NYAP2: variants seen among roughly 807,000 people sequenced by gnomAD.
The protein encoded by NYAP2 is neuronal tyrosine-phosphorylated phosphoinositide-3-kinase adapter 2.
NYAP2 carries 23 observed loss-of-function variants against 50.4 expected under a neutral mutation model. The ratio of observed to expected loss-of-function variants is 0.46; its 90% CI spans 0.33 to 0.65. The LOEUF is 0.65. Ranked by LOEUF, NYAP2 falls within the 30% of genes least tolerant of loss-of-function variation. NYAP2 has a pLI of 0.02. For missense variants in NYAP2, 885 were observed against 861.0 expected, an observed-to-expected ratio of 1.03 and a Z score of -0.35; for synonymous variants, 394 against 365.2, an observed-to-expected ratio of 1.08 and a Z score of -0.90.
chr2:225,483,004 C>T (rs865911606), intron 3 of NYAP2, among the ~76,000 whole-genome samples: 32 of 152,178 alleles, frequency 2.1e-4, no homozygotes, highest in African/African-American at 5.1e-4. Context: ...TTTGTGTTTT[C>T]GTAAGAAATA....
intron 3 of NYAP2, among the ~76,000 whole-genome samples, chr2:225,427,385 C>A (rs1036132465): frequency 6.6e-6 from 1 of 152,224 alleles, no homozygotes; most frequent in Non-Finnish European, 1.5e-5. Flanking sequence ...ACAGTTTCCT[C>A]GTCTGTGACA....
chr2:225,443,894 G>A (rs1043287555), intron 3 of NYAP2, among the ~76,000 whole-genome samples: 5 of 152,118 alleles, frequency 3.3e-5, no homozygotes, highest in African/African-American at 9.7e-5. Context: ...CAATTGAGTC[G>A]ACATACTTTT....
At chr2:225,511,327 AACACACACACACACACACAC>A (rs571887973) in intron 3 of NYAP2, among the ~76,000 whole-genome samples, 1 of 129,838 alleles carries the variant, frequency 7.7e-6, no homozygotes, top group African/African-American at 3.0e-5. Flanking sequence ...CGTTCTTTAA[AACACACACACACACACACAC>A]ACACACACAC....
intron 4 of NYAP2, among the ~76,000 whole-genome samples, chr2:225,531,460 C>G (rs1333449690): frequency 6.6e-6 from 1 of 152,132 alleles, no homozygotes; most frequent in East Asian, 1.9e-4. Flanking sequence ...TTGTAAATAT[C>G]TGCCTATCTT....
intron 3 of NYAP2, among the ~76,000 whole-genome samples, chr2:225,456,102 C>G (rs890241933): frequency 6.6e-6 from 1 of 152,180 alleles, no homozygotes; most frequent in African/African-American, 2.4e-5. Flanking sequence ...CTGCAGTTCT[C>G]AGATGAAAGA....
chr2:225,573,198 A>C (rs945408567), intron 4 of NYAP2, among the ~76,000 whole-genome samples: 7 of 151,764 alleles, frequency 4.6e-5, no homozygotes, highest in Admixed American at 2.0e-4. Context: ...ATTGCTGTGT[A>C]ATAAACTAAA....
chr2:225,652,883 T>A (rs2106273431), exon 7 of NYAP2: 1 of 152,336 alleles, frequency 6.6e-6, no homozygotes. Context: ...AGTTGATTTA[T>A]AAATATATGA....
chr2:225,526,641 C>T (rs73084709), intron 4 of NYAP2, among the ~76,000 whole-genome samples: 5,183 of 152,240 alleles, frequency 0.034, 286 homozygotes, highest in African/African-American at 0.12. Flanking sequence ...TACATGGCTG[C>T]AACTTGCCTT....
At chr2:225,465,790 A>G (rs1230106636) in intron 3 of NYAP2, among the ~76,000 whole-genome samples, 1 of 152,148 alleles carries the variant, frequency 6.6e-6, no homozygotes, top group Admixed American at 6.5e-5. Flanking sequence ...CAGGTGTCCC[A>G]TGACTTATTT....
chr2:225,510,779 T>TTGTGTGTGTGTG (rs146231874), intron 3 of NYAP2, among the ~76,000 whole-genome samples: 1 of 148,390 alleles, frequency 6.7e-6, no homozygotes, highest in Admixed American at 6.7e-5. Flanking sequence ...GTTAATGTGT[T>TTGTGTGTGTGTG]TGTGTGTGTG....
chr2:225,622,116 C>T (rs776269441), intron 5 of NYAP2, among the ~76,000 whole-genome samples: 3 of 152,154 alleles, frequency 2.0e-5, no homozygotes, highest in Non-Finnish European at 2.9e-5. Flanking sequence ...ACTGCAGCCT[C>T]GACCTCCCAA....
At chr2:225,660,405 A>G in the NYAP2 span, among the ~76,000 whole-genome samples, 1 of 148,826 alleles carries the variant, frequency 6.7e-6, no homozygotes, top group Non-Finnish European at 1.5e-5. Context: ...ATTATCTGCT[A>G]GGGTCGGGAC....
In NYAP2 at chr2:225,502,467, A is replaced by G. The variant is rs76828321; in HGVS notation, c.222-10904A>G. On this transcript the variant is annotated intron_variant, in intron 3 of 6. Transcript: ENST00000636099. The stretch of plus-strand genomic sequence containing the variant: ...GAAACCTGTGAGTTATTCTTGAACT[A>G]TTCCCAAACATATATGTATACATTC... 5.8e-4 allele frequency among the ~76,000 whole-genome samples: 89 copies of G among 152,372 alleles called. 2 individuals are homozygous for G. In the East Asian group the frequency reaches 0.016, roughly 27 times the overall value.
At chr2:225,477,393 C>T (rs960123900) in intron 3 of NYAP2, among the ~76,000 whole-genome samples, 9 of 151,848 alleles carry the variant, frequency 5.9e-5, no homozygotes, top group Non-Finnish European at 1.0e-4. Flanking sequence ...CCCGCCACCA[C>T]GCCTGGCTAA....
intron 5 of NYAP2, among the ~76,000 whole-genome samples, chr2:225,621,658 A>G (rs532394305): frequency 6.6e-6 from 1 of 152,278 alleles, no homozygotes; most frequent in Admixed American, 6.5e-5. Flanking sequence ...TATAAAAATA[A>G]TGATTAAAAT....
At chr2:225,429,166 G>A (rs546931503) in intron 3 of NYAP2, among the ~76,000 whole-genome samples, 87 of 152,138 alleles carry the variant, frequency 5.7e-4, no homozygotes, top group African/African-American at 2.1e-3. Flanking sequence ...GAAATAATGC[G>A]TTATTTGGCT....
chr2:225,447,781 C>A (rs553265056), intron 3 of NYAP2, among the ~76,000 whole-genome samples: 1 of 152,290 alleles, frequency 6.6e-6, no homozygotes, highest in African/African-American at 2.4e-5. Context: ...CTTCTACATT[C>A]TACCGCATCA....
chr2:225,567,804 A>G (rs1255336281), intron 4 of NYAP2, among the ~76,000 whole-genome samples: 1 of 152,186 alleles, frequency 6.6e-6, no homozygotes, highest in Non-Finnish European at 1.5e-5. Flanking sequence ...TGGTTTGGCC[A>G]GAGTGAAGGG....
At chr2:225,509,131 AG>A (rs1293237017) in intron 3 of NYAP2, among the ~76,000 whole-genome samples, 1 of 152,114 alleles carries the variant, frequency 6.6e-6, no homozygotes, top group Non-Finnish European at 1.5e-5. Context: ...CCCCACCTTC[AG>A]GAAACACTTC....
Sources: gnomAD v4.1 joint callset for allele counts (sites outside exome capture counted in the v4.1 genomes callset) on GRCh38, gnomAD v4.1.1 for gene constraint, MANE v1.5 for transcripts, NCBI Gene and HGNC (gene_info 2026-07-23, HGNC 2026-07-21) for gene names.